Variants in CSRNP3 observed in about 807,000 individuals in gnomAD.
The protein encoded by CSRNP3 is cysteine/serine-rich nuclear protein 3.
Under a neutral mutation model 48.0 loss-of-function variants are expected in CSRNP3, and 12 were observed. That is an observed-to-expected ratio of 0.25 (90% CI 0.16 to 0.41). The LOEUF (loss-of-function observed/expected upper bound fraction) is 0.41, where lower values mean the gene tolerates loss of function less well. Among genes scored for constraint, CSRNP3 ranks in the 10% least tolerant of loss-of-function variants. CSRNP3 has a pLI of 1.00. For missense variants in CSRNP3, 580 were observed against 724.4 expected, an observed-to-expected ratio of 0.80 and a Z score of 2.29; for synonymous variants, 263 against 269.7, an observed-to-expected ratio of 0.98 and a Z score of 0.24.
chr2:165,493,358 C>A (rs1684245060), intron 1 of CSRNP3, among the ~76,000 whole-genome samples: 1 of 151,994 alleles, frequency 6.6e-6, no homozygotes, highest in Non-Finnish European at 1.5e-5. Flanking sequence ...AATTTGTTCC[C>A]CAAACTGATG....
chr2:165,492,852 A>G (rs1684236209), intron 1 of CSRNP3, among the ~76,000 whole-genome samples: 1 of 151,378 alleles, frequency 6.6e-6, no homozygotes, highest in African/African-American at 2.4e-5. Context: ...TGAATAATGA[A>G]TGGCCCTTAA....
chr2:165,588,194 G>T (rs556406439), intron 3 of CSRNP3, among the ~76,000 whole-genome samples: 1 of 152,200 alleles, frequency 6.6e-6, no homozygotes, highest in East Asian at 1.9e-4. Flanking sequence ...AAGACAGAGA[G>T]AAATTGCAAG....
In CSRNP3 at chr2:165,681,578, G is replaced by T. The variant is rs1687539245; in HGVS notation, c.*1825G>T. The T allele has an allele frequency of 6.6e-6, 1 of 150,932 alleles. No homozygotes were observed. Among genetic ancestry groups the T allele is most frequent in the Non-Finnish European group, 1.5e-5 (1 of 67,778 alleles). The allele number at this position is 150,932 out of a possible 1,614,324, so 9.3% of individuals were successfully genotyped here. A position where few individuals can be genotyped will look rare whatever the true frequency, so the allele number is the denominator to read the frequency against. On this transcript the variant is annotated 3_prime_UTR_variant, in exon 7 of 7. Coordinates refer to ENST00000651982, the MANE Select transcript of CSRNP3 (RefSeq NM_001172173.2). ...GCCCCTTCTCTTCCCCCCTACATTG[G>T]GCCAAATTTATAACTCTTAATATTA...
intron 6 of CSRNP3, among the ~76,000 whole-genome samples, chr2:165,677,744 TG>T (rs1687451276): frequency 6.6e-6 from 1 of 152,166 alleles, no homozygotes; most frequent in Non-Finnish European, 1.5e-5. Context: ...TTTTTTCTCT[TG>T]CCTATACTCT....
At chr2:165,500,672 G>C (rs1022822663) in intron 2 of CSRNP3, among the ~76,000 whole-genome samples, 1 of 151,896 alleles carries the variant, frequency 6.6e-6, no homozygotes, top group African/African-American at 2.4e-5. Context: ...TAGCCAGGCT[G>C]GTCTTGAACT....
rs1687482280 is a variant in CSRNP3 at position 165,679,153 on chromosome 2, T to C, written c.1158T>C (p.Asp386=). Residue 386 remains aspartate, a synonymous_variant, in exon 7 of 7, where the codon GAT becomes GAC. Coordinates refer to ENST00000651982, the MANE Select transcript of CSRNP3 (RefSeq NM_001172173.2). ...EEEEEEEEDD[D]DDKGDGFVEG... ...AGGAAGAGGAGGAGGAGGATGACGA[T>C]GATGACAAAGGAGATGGCTTCGTGG... 1 of 1,613,644 alleles carries C rather than the reference T, an allele frequency of 6.2e-7. No individual in the cohort carries two copies. The highest frequency in any genetic ancestry group is 1.3e-5 in the African/African-American group (1 of 74,860).
intron 5 of CSRNP3, among the ~76,000 whole-genome samples, chr2:165,668,383 T>C (rs1214806590): frequency 6.7e-6 from 1 of 148,432 alleles, no homozygotes; most frequent in Non-Finnish European, 1.5e-5. Flanking sequence ...CTGAATCATA[T>C]CCTTTCTTTC....
At chr2:165,514,111 G>A (rs1684543737) in intron 2 of CSRNP3, among the ~76,000 whole-genome samples, 1 of 152,186 alleles carries the variant, frequency 6.6e-6, no homozygotes, top group African/African-American at 2.4e-5. Flanking sequence ...GACAAATGAT[G>A]TTATATTTAT....
chr2:165,585,323 C>G (rs1486707309), intron 3 of CSRNP3, among the ~76,000 whole-genome samples: 3 of 151,664 alleles, frequency 2.0e-5, no homozygotes, highest in Admixed American at 2.0e-4. Context: ...AGTAGACCAT[C>G]TGGTTGATAA....
chr2:165,607,736 G>A (rs1234398661), intron 4 of CSRNP3, among the ~76,000 whole-genome samples: 1 of 152,120 alleles, frequency 6.6e-6, no homozygotes, highest in Non-Finnish European at 1.5e-5. Context: ...TGCATCAGTT[G>A]AACTTGTGAG....
At chr2:165,517,073 T>G (rs930139905) in intron 2 of CSRNP3, among the ~76,000 whole-genome samples, 1 of 152,048 alleles carries the variant, frequency 6.6e-6, no homozygotes, top group Non-Finnish European at 1.5e-5. Context: ...CTCTATCTCA[T>G]TTTTAAAGAA....
intron 3 of CSRNP3, among the ~76,000 whole-genome samples, chr2:165,520,172 A>G (rs940350537): frequency 3.3e-5 from 5 of 152,202 alleles, no homozygotes; most frequent in Admixed American, 2.6e-4. Context: ...ATTAGAAAAT[A>G]TATAGAGTTG....
chr2:165,484,730 G>A (rs372621008), intron 1 of CSRNP3, among the ~76,000 whole-genome samples: 2 of 152,232 alleles, frequency 1.3e-5, no homozygotes, highest in African/African-American at 4.8e-5. Flanking sequence ...CATCTGAAAC[G>A]GAGTAGCATC....
intron 6 of CSRNP3, among the ~76,000 whole-genome samples, chr2:165,678,113 G>T (rs371256681): frequency 2.0e-5 from 3 of 152,148 alleles, no homozygotes; most frequent in African/African-American, 4.8e-5. Context: ...CAATAAGAAG[G>T]TAAGCAAATG....
At chr2:165,492,724 T>TAAAAAAAAA (rs11304265) in intron 1 of CSRNP3, among the ~76,000 whole-genome samples, 1 of 110,180 alleles carries the variant, frequency 9.1e-6, no homozygotes, top group African/African-American at 3.6e-5. Flanking sequence ...ACTATTAGAG[T>TAAAAAAAAA]AAAAAAAAAA....
chr2:165,526,247 A>G (rs1326997086), intron 3 of CSRNP3, among the ~76,000 whole-genome samples: 2 of 152,194 alleles, frequency 1.3e-5, no homozygotes, highest in Admixed American at 6.5e-5. Context: ...GTTAGCTTGT[A>G]GATATCTACA....
At chr2:165,531,079 T>A (rs1185899054) in intron 3 of CSRNP3, among the ~76,000 whole-genome samples, 1 of 152,136 alleles carries the variant, frequency 6.6e-6, no homozygotes, top group Non-Finnish European at 1.5e-5. Flanking sequence ...AAGATAATAT[T>A]GGTACTCAGT....
intron 4 of CSRNP3, among the ~76,000 whole-genome samples, chr2:165,639,135 C>T (rs1332247218): frequency 6.6e-6 from 1 of 152,150 alleles, no homozygotes; most frequent in Non-Finnish European, 1.5e-5. Flanking sequence ...CTCTATATGA[C>T]ACATCGCTGC....
chr2:165,619,957 G>A (rs910735302), intron 4 of CSRNP3, among the ~76,000 whole-genome samples: 3 of 152,132 alleles, frequency 2.0e-5, no homozygotes, highest in South Asian at 4.1e-4. Context: ...ATTCTGAGAC[G>A]AAGGGTCTAA....
Sources: allele counts gnomAD v4.1 joint callset (sites outside exome capture counted in the v4.1 genomes callset), GRCh38; gene constraint gnomAD v4.1.1; transcripts MANE v1.5; gene names NCBI Gene and HGNC (gene_info 2026-07-23, HGNC 2026-07-21).